BMERB1: variants seen among roughly 807,000 people sequenced by gnomAD.
BMERB1 encodes the protein bMERB domain-containing protein 1.
Under a neutral mutation model 23.6 loss-of-function variants are expected in BMERB1, and 12 were observed. The ratio of observed to expected loss-of-function variants is 0.51; its 90% confidence interval spans 0.33 to 0.82. BMERB1 has a LOEUF of 0.82. BMERB1 is among the 40% of genes least tolerant of loss of function. BMERB1 has a pLI of 0.03. For synonymous variants in BMERB1, 122 were observed against 96.6 expected, an observed-to-expected ratio of 1.26 and a Z score of -1.54; for missense variants, 247 against 255.4, an observed-to-expected ratio of 0.97 and a Z score of 0.22.
At chr16:15,531,054 G>A (rs1234687522) in intron 2 of BMERB1, among the ~76,000 whole-genome samples, 5 of 151,968 alleles carry the variant, frequency 3.3e-5, no homozygotes, top group African/African-American at 4.8e-5. Context: ...ACAGGCACCC[G>A]CTGCCATGCC....
chr16:15,574,817 C>T (rs559379869), intron 3 of BMERB1, among the ~76,000 whole-genome samples: 26 of 152,076 alleles, frequency 1.7e-4, no homozygotes, highest in Non-Finnish European at 2.5e-4. Flanking sequence ...GTGGCTCACG[C>T]GTATAATCCC....
intron 1 of BMERB1, among the ~76,000 whole-genome samples, chr16:15,490,010 G>GCGCC (rs956600467): frequency 3.9e-5 from 6 of 152,014 alleles, no homozygotes; most frequent in Non-Finnish European, 5.9e-5. Context: ...GGGACTACAG[G>GCGCC]CGCCCGCCCT....
intron 2 of BMERB1, among the ~76,000 whole-genome samples, chr16:15,519,086 C>CACAA: frequency 7.0e-6 from 1 of 143,176 alleles, no homozygotes; most frequent in Non-Finnish European, 1.5e-5. Flanking sequence ...CACACACACA[C>CACAA]ACACACACAC....
At chr16:15,524,924 C>T (rs2051892065) in intron 2 of BMERB1, among the ~76,000 whole-genome samples, 1 of 152,134 alleles carries the variant, frequency 6.6e-6, no homozygotes, top group African/African-American at 2.4e-5. Flanking sequence ...CAGAGGACCA[C>T]CTCTGAACCA....
Position 15,581,344 on chromosome 16 carries a change from C to A in BMERB1, c.419+13C>A, listed in dbSNP as rs751708436. On this transcript the variant is annotated intron_variant, in intron 4 of 5. Transcript: ENST00000300006. ...TCGAGCGGTTAAGGTGAGTGCACTGCGGGTACCCGATCACTGGGCTGCAGG... is the reference window on the plus strand; with the variant it reads ...TCGAGCGGTTAAGGTGAGTGCACTGAGGGTACCCGATCACTGGGCTGCAGG... 1.2e-6 allele frequency: 2 copies of A among 1,603,232 alleles called. No homozygotes were observed. The highest frequency in any genetic ancestry group is 1.3e-5 in the African/African-American group (1 of 74,776).
chr16:15,481,845 C>T (rs748827549), intron 1 of BMERB1, among the ~76,000 whole-genome samples: 50 of 151,852 alleles, frequency 3.3e-4, no homozygotes, highest in Non-Finnish European at 6.3e-4. Context: ...CTACCTCAGC[C>T]TCCCAAGTAG....
chr16:15,555,020 T>G (rs1212633378), intron 2 of BMERB1, among the ~76,000 whole-genome samples: 6 of 150,402 alleles, frequency 4.0e-5, no homozygotes, highest in South Asian at 2.1e-4. Flanking sequence ...ATACTGGTGT[T>G]TGTTTGTTTT....
At chr16:15,532,489 A>G (rs2051977675) in intron 2 of BMERB1, among the ~76,000 whole-genome samples, 2 of 150,806 alleles carry the variant, frequency 1.3e-5, no homozygotes, top group South Asian at 2.1e-4. Flanking sequence ...CGGCCTCCCA[A>G]AGTGCTGGGA....
At chr16:15,456,844 G>T (rs972028814) in intron 1 of BMERB1, among the ~76,000 whole-genome samples, 12 of 149,778 alleles carry the variant, frequency 8.0e-5, no homozygotes, top group Non-Finnish European at 1.2e-4. Flanking sequence ...CTTTTTTTTT[G>T]ATGCGGAATC....
intron 1 of BMERB1, among the ~76,000 whole-genome samples, chr16:15,442,332 G>GAA (rs917043266): frequency 1.7e-5 from 2 of 116,918 alleles, no homozygotes; most frequent in Non-Finnish European, 3.7e-5. Context: ...ACTGTCTCAA[G>GAA]AAAAAAAAAA....
At chr16:15,579,974 A>G (rs2030966132) in intron 3 of BMERB1, among the ~76,000 whole-genome samples, 1 of 152,188 alleles carries the variant, frequency 6.6e-6, no homozygotes, top group Admixed American at 6.5e-5. Context: ...TTTATTACAT[A>G]GGTAAACGTG....
chr16:15,532,420 G>A (rs1316905774), intron 2 of BMERB1, among the ~76,000 whole-genome samples: 3 of 151,864 alleles, frequency 2.0e-5, no homozygotes, highest in Non-Finnish European at 2.9e-5. Flanking sequence ...AGTAGAGACC[G>A]GGTTTCACCA....
At chr16:15,576,979 GTGGTGTCTGA>G (rs1196465910) in intron 3 of BMERB1, among the ~76,000 whole-genome samples, 1 of 152,178 alleles carries the variant, frequency 6.6e-6, no homozygotes, top group Non-Finnish European at 1.5e-5. Context: ...GCTTGAGGAG[GTGGTGTCTGA>G]TTTACATAGG....
intron 1 of BMERB1, among the ~76,000 whole-genome samples, chr16:15,461,440 G>A (rs1473507430): frequency 1.3e-5 from 2 of 151,860 alleles, no homozygotes; most frequent in African/African-American, 4.8e-5. Flanking sequence ...CTTCTCACAC[G>A]CCCTCCACTC....
At chr16:15,484,905 C>T (rs1416325680) in intron 1 of BMERB1, among the ~76,000 whole-genome samples, 2 of 152,158 alleles carry the variant, frequency 1.3e-5, no homozygotes, top group African/African-American at 4.8e-5. Flanking sequence ...TCAAGGTTTC[C>T]CATATCCCAT....
At chr16:15,522,944 A>G (rs1360971386) in intron 2 of BMERB1, among the ~76,000 whole-genome samples, 1 of 152,154 alleles carries the variant, frequency 6.6e-6, no homozygotes, top group Non-Finnish European at 1.5e-5. Context: ...TGTCCCAAGG[A>G]CAGAGGGCTT....
intron 2 of BMERB1, among the ~76,000 whole-genome samples, chr16:15,534,942 A>C (rs888586758): frequency 6.6e-6 from 1 of 152,210 alleles, no homozygotes; most frequent in Admixed American, 6.5e-5. Flanking sequence ...TATGGGTACC[A>C]TCTGTCAAGA....
intron 2 of BMERB1, among the ~76,000 whole-genome samples, chr16:15,536,305 C>A (rs1382258394): frequency 1.3e-5 from 2 of 151,992 alleles, no homozygotes; most frequent in Non-Finnish European, 2.9e-5. Context: ...CAACAGCAGC[C>A]CCCCCGCCTC....
chr16:15,481,480 T>G (rs1355095057), intron 1 of BMERB1, among the ~76,000 whole-genome samples: 2 of 151,888 alleles, frequency 1.3e-5, no homozygotes, highest in South Asian at 2.1e-4. Flanking sequence ...TGAGCCGAGA[T>G]TGTGCCACTG....
Sources: gnomAD v4.1 joint callset for allele counts (sites outside exome capture counted in the v4.1 genomes callset) on GRCh38, gnomAD v4.1.1 for gene constraint, MANE v1.5 for transcripts, NCBI Gene and HGNC (gene_info 2026-07-23, HGNC 2026-07-21) for gene names.